GYS2: variants seen among roughly 807,000 people sequenced by gnomAD.
The protein encoded by GYS2 is glycogen synthase 2, also known as glycogen [starch] synthase, liver.
GYS2 carries 80 observed loss-of-function variants against 85.6 expected under a neutral mutation model. The observed-to-expected ratio is 0.93, with a 90% CI of 0.78 to 1.13. The LOEUF (loss-of-function observed/expected upper bound fraction) is 1.13, where lower values mean the gene tolerates loss of function less well. Ranked by LOEUF, GYS2 falls within the 50% of genes most tolerant of loss-of-function variation. The pLI, the probability that GYS2 is intolerant of heterozygous loss-of-function variation, is 0.00. For missense variants in GYS2, 881 were observed against 854.9 expected, an observed-to-expected ratio of 1.03 and a Z score of -0.38; for synonymous variants, 328 against 300.7, an observed-to-expected ratio of 1.09 and a Z score of -0.94.
downstream of GYS2, among the ~76,000 whole-genome samples, chr12:21,534,114 G>A (rs1370493923): frequency 5.9e-5 from 9 of 152,126 alleles, no homozygotes; most frequent in South Asian, 1.0e-3. Flanking sequence ...ATGATGGTTC[G>A]ATTTATGATT....
intron 1 of GYS2, among the ~76,000 whole-genome samples, chr12:21,582,038 A>G (rs1317121051): frequency 1.3e-5 from 2 of 152,152 alleles, no homozygotes; most frequent in Non-Finnish European, 2.9e-5. Context: ...ACCGCAAAAG[A>G]CCGAATCAAC....
intron 4 of GYS2, 100 bp downstream of exon 4, chr12:21,574,044 C>A: frequency 1.1e-6 from 1 of 938,926 alleles, no homozygotes; most frequent in Non-Finnish European, 1.7e-6. Context: ...GCATTTCTGC[C>A]ATCTGGTTGG....
rs758611831 is a variant in GYS2, at chr12:21,562,885, A to T, written c.1062+33T>A. On this transcript the variant is annotated intron_variant, in intron 7 of 15. Coordinates refer to ENST00000261195, the MANE Select transcript of GYS2 (RefSeq NM_021957.4). Reference sequence around the variant, plus strand: ...CCCACAGAAGAAAGTTCTCCCTACAAGAGTGTTATACCATGTCCTAGAGCT... The same window carrying T: ...CCCACAGAAGAAAGTTCTCCCTACATGAGTGTTATACCATGTCCTAGAGCT... 9.3e-6 allele frequency: 15 copies of T among 1,610,866 alleles called. 1 individual carries two copies. In the Admixed American group the frequency reaches 2.3e-4, roughly 25 times the overall value.
chr12:21,538,235 ACC>A (rs1943932745), intron 15 of GYS2, among the ~76,000 whole-genome samples: 1 of 152,174 alleles, frequency 6.6e-6, no homozygotes, highest in Non-Finnish European at 1.5e-5. Flanking sequence ...GTTTAAGAAA[ACC>A]TTATCACCTT....
chr12:21,598,053 G>A lies in GYS2; in HGVS notation c.121+6419C>T, dbSNP rs891159948. 3.9e-5 allele frequency among the ~76,000 whole-genome samples: 6 copies of A among 152,008 alleles called. 1 individual carries two copies. On this transcript the variant is annotated intron_variant, in intron 1 of 15. Transcript: ENST00000261195. ...ACCAGAGGTAGAGAAAGGTGTGTACGTTATGGGAGGAAGGGAGACGAAGAG... is the reference window on the plus strand; with the variant it reads ...ACCAGAGGTAGAGAAAGGTGTGTACATTATGGGAGGAAGGGAGACGAAGAG...
At chr12:21,566,516 A>T (rs1268960947) in intron 5 of GYS2, among the ~76,000 whole-genome samples, 1 of 152,186 alleles carries the variant, frequency 6.6e-6, no homozygotes, top group East Asian at 1.9e-4. Context: ...TGCAGTGTTT[A>T]TGGTTTCTGG....
rs201503558 is a variant in GYS2, at chr12:21,574,192, C to T, written c.630G>A (p.Gly210=). ...CAATATTTGCTGCACAGAGATACCT[C>T]CCAAGTAGTGTAGCGTGGGTTGTAA... ...TIFTTHATLL[G]RYLCAANIDF... is the part of the protein sequence containing the mutation. Residue 210 remains glycine, a synonymous_variant, in exon 4 of 16, where the codon GGG becomes GGA. Coordinates refer to ENST00000261195, the MANE Select transcript of GYS2 (RefSeq NM_021957.4). The T allele has an allele frequency of 4.3e-4, 700 of 1,613,478 alleles. 4 individuals carry two copies. The Middle Eastern group carries it at 5.9e-3, about 14-fold the overall frequency.
chr12:21,593,375 CT>C (rs1304117569), intron 1 of GYS2, among the ~76,000 whole-genome samples: 2 of 137,738 alleles, frequency 1.5e-5, no homozygotes, highest in African/African-American at 5.4e-5. Context: ...TCTAGCTAGA[CT>C]AACCAAGAAA....
intron 3 of GYS2, 77 bp from the exon 4 acceptor site, chr12:21,574,403 G>C: frequency 9.4e-7 from 1 of 1,058,660 alleles, no homozygotes; most frequent in Non-Finnish European, 1.5e-6. Flanking sequence ...ATCATAAGTG[G>C]AGTTATGGTG....
At position 21,560,377 on chromosome 12, in the gene GYS2, T is replaced by C; in HGVS notation, c.1169+9A>G. The C allele has an allele frequency of 7.1e-7, 1 of 1,406,128 alleles. No homozygotes were observed. Among genetic ancestry groups the C allele is most frequent in the Non-Finnish European group, 1.0e-6 (1 of 990,026 alleles). The allele number at this position is 1,406,128 out of a possible 1,614,324, so 87.1% of individuals were successfully genotyped here. ...ATTGCTAGAGAACATTCACAGGTTGTGAGATTACCACAGCTGTTTTCGCAC... is the reference window on the plus strand; with the variant it reads ...ATTGCTAGAGAACATTCACAGGTTGCGAGATTACCACAGCTGTTTTCGCAC... On this transcript the variant is annotated intron_variant, in intron 8 of 15. Coordinates refer to ENST00000261195, the MANE Select transcript of GYS2 (RefSeq NM_021957.4).
intron 1 of GYS2, among the ~76,000 whole-genome samples, chr12:21,602,617 C>T (rs1185047728): frequency 1.3e-5 from 2 of 151,892 alleles, no homozygotes; most frequent in African/African-American, 4.8e-5. Flanking sequence ...TCCACAAAAA[C>T]ACTTCCCTTC....
chr12:21,559,542 T>C (rs1457297000), intron 9 of GYS2, 109 bp downstream of exon 9: 1 of 734,876 alleles, frequency 1.4e-6, no homozygotes. Context: ...TCAAAGGTTA[T>C]TAATTCCTTG....
chr12:21,544,295 C>A (rs753203398), intron 12 of GYS2, among the ~76,000 whole-genome samples: 1 of 152,268 alleles, frequency 6.6e-6, no homozygotes, highest in South Asian at 2.1e-4. Flanking sequence ...ATTCCACAAA[C>A]TCCCTTATTT....
At chr12:21,577,940 A>T (rs1944465096) in intron 2 of GYS2, among the ~76,000 whole-genome samples, 1 of 152,184 alleles carries the variant, frequency 6.6e-6, no homozygotes, top group African/African-American at 2.4e-5. Flanking sequence ...AAGCAACTTC[A>T]AAGTCCAGAT....
intron 1 of GYS2, among the ~76,000 whole-genome samples, chr12:21,581,753 T>C (rs535510877): frequency 6.6e-6 from 1 of 152,070 alleles, no homozygotes; most frequent in African/African-American, 2.4e-5. Flanking sequence ...TTAAGGAGAG[T>C]ATGAAAAGGA....
At position 21,560,419 on chromosome 12, in the gene GYS2, G is replaced by T; in HGVS notation, c.1136C>A (p.Thr379Asn). ...PAKTNNFNVE[T>N]LKGQAVRKQL... ...TTTTCGCACTGCTTGTCCTTTCAGG[G>T]TTTCCACGTTGAAATTATTTGTCTT... The change falls in exon 8 of 16, where the codon ACC becomes AAC. Residue 379 changes from threonine (T) to asparagine (N), a missense_variant. Coordinates refer to ENST00000261195, the MANE Select transcript of GYS2 (RefSeq NM_021957.4). 2 of 1,608,338 alleles carry T rather than the reference G, an allele frequency of 1.2e-6. No homozygotes were observed. The highest frequency in any genetic ancestry group is 8.5e-7 in the Non-Finnish European group (1 of 1,174,806).
At chr12:21,601,970 A>G (rs1255635649) in intron 1 of GYS2, among the ~76,000 whole-genome samples, 1 of 152,160 alleles carries the variant, frequency 6.6e-6, no homozygotes, top group Non-Finnish European at 1.5e-5. Context: ...CTCATCTGTT[A>G]TGTTTTTCAC....
At chr12:21,536,076 C>T (rs1351307798), downstream of GYS2, 1 of 152,072 alleles carries the variant, frequency 6.6e-6, no homozygotes, top group Non-Finnish European at 1.5e-5. Context: ...AATGTCTAAA[C>T]AATTTTTAAA....
At chr12:21,579,742 T>C (rs1264906536) in intron 2 of GYS2, among the ~76,000 whole-genome samples, 1 of 152,156 alleles carries the variant, frequency 6.6e-6, no homozygotes, top group African/African-American at 2.4e-5. Flanking sequence ...CAACCTCTGC[T>C]TTCATTGGCA....
Sources: gnomAD v4.1 joint callset for allele counts (sites outside exome capture counted in the v4.1 genomes callset) on GRCh38, gnomAD v4.1.1 for gene constraint, MANE v1.5 for transcripts, NCBI Gene and HGNC (gene_info 2026-07-23, HGNC 2026-07-21) for gene names.